Variants in MAP2K1 observed in about 807,000 individuals in gnomAD.
The protein encoded by MAP2K1 is dual specificity mitogen-activated protein kinase kinase 1.
A neutral mutation model predicts 46.3 loss-of-function variants in MAP2K1; 16 were observed. The ratio of observed to expected loss-of-function variants is 0.35; its 90% CI spans 0.23 to 0.52. The LOEUF (loss-of-function observed/expected upper bound fraction) is 0.52. Ranked by LOEUF, MAP2K1 falls within the 20% of genes least tolerant of loss-of-function variation. MAP2K1 has a pLI of 0.94. For synonymous variants in MAP2K1, 183 were observed against 185.6 expected (o/e 0.99, Z 0.11); for missense variants, 263 against 497.1 (o/e 0.53, Z 4.48).
chr15:66,429,701 T>G (rs2093470202), intron 1 of MAP2K1, among the ~76,000 whole-genome samples: 1 of 103,410 alleles, frequency 9.7e-6, no homozygotes, highest in Non-Finnish European at 1.8e-5. Context: ...ACAGATGGGC[T>G]AGCCTGGGGT....
At chr15:66,489,682 A>C (rs1385020917) in intron 9 of MAP2K1, 36 bp from the exon 10 acceptor site, 4 of 1,558,210 alleles carry the variant, frequency 2.6e-6, no homozygotes, top group Non-Finnish European at 3.5e-6. Flanking sequence ...AACCAGTGCC[A>C]GGCAACAGCT....
chr15:66,429,686 C>A (rs950503714), intron 1 of MAP2K1, among the ~76,000 whole-genome samples: 1 of 133,856 alleles, frequency 7.5e-6, no homozygotes, highest in Non-Finnish European at 1.6e-5. Context: ...CCCGTCCCCC[C>A]CAACACAGAT....
At chr15:66,403,507 C>T (rs542326874) in intron 1 of MAP2K1, among the ~76,000 whole-genome samples, 7 of 152,040 alleles carry the variant, frequency 4.6e-5, no homozygotes, top group Non-Finnish European at 1.0e-4. Flanking sequence ...CGAAAGTCCC[C>T]TTGAAATGGA....
intron 1 of MAP2K1, among the ~76,000 whole-genome samples, chr15:66,400,607 T>C (rs1304411408): frequency 6.6e-6 from 1 of 152,226 alleles, no homozygotes; most frequent in Non-Finnish European, 1.5e-5. Context: ...TTTTACTTCA[T>C]GTCCTGTGCC....
At chr15:66,455,072 C>T (rs1484063128) in intron 5 of MAP2K1, among the ~76,000 whole-genome samples, 2 of 152,126 alleles carry the variant, frequency 1.3e-5, no homozygotes, top group Non-Finnish European at 2.9e-5. Context: ...ACTGTCCTCT[C>T]CTAGCCTTAT....
chr15:66,422,104 G>T (rs915999479), intron 1 of MAP2K1, among the ~76,000 whole-genome samples: 2 of 152,098 alleles, frequency 1.3e-5, no homozygotes, highest in East Asian at 3.9e-4. Flanking sequence ...ACTACATTGT[G>T]CATTTTCCCC....
chr15:66,471,583 G>C (rs372156970), intron 5 of MAP2K1, among the ~76,000 whole-genome samples: 7 of 152,256 alleles, frequency 4.6e-5, no homozygotes, highest in Admixed American at 2.0e-4. Context: ...TATGATGCCA[G>C]CTGATGATAA....
intron 5 of MAP2K1, among the ~76,000 whole-genome samples, chr15:66,480,138 G>C (rs913039950): frequency 1.3e-5 from 2 of 151,760 alleles, no homozygotes; most frequent in African/African-American, 4.8e-5. Context: ...ACCCAGGCTG[G>C]AGTGCAATGG....
intron 5 of MAP2K1, among the ~76,000 whole-genome samples, chr15:66,458,530 G>A (rs958513093): frequency 1.3e-5 from 2 of 152,034 alleles, no homozygotes; most frequent in Non-Finnish European, 2.9e-5. Context: ...ATAAATGAAC[G>A]AATGACAGGT....
intron 5 of MAP2K1, chr15:66,453,414 G>A (rs1398622232): frequency 1.4e-6 from 1 of 696,966 alleles, no homozygotes; most frequent in Non-Finnish European, 2.6e-6. Context: ...TGTGTGGGCT[G>A]GCCTGGCTGC....
chr15:66,472,303 C>CAAA (rs60289963), intron 5 of MAP2K1, among the ~76,000 whole-genome samples: 1 of 136,744 alleles, frequency 7.3e-6, no homozygotes, highest in African/African-American at 2.7e-5. Flanking sequence ...GACTTCGTCT[C>CAAA]AAAAAAAAAA....
chr15:66,426,399 C>T (rs983521522), intron 1 of MAP2K1, among the ~76,000 whole-genome samples: 2 of 149,836 alleles, frequency 1.3e-5, no homozygotes, highest in Non-Finnish European at 3.0e-5. Flanking sequence ...TGGCATAAGT[C>T]GCAACAAGAA....
At chr15:66,477,478 C>A (rs1892780392) in intron 5 of MAP2K1, among the ~76,000 whole-genome samples, 1 of 152,178 alleles carries the variant, frequency 6.6e-6, no homozygotes, top group Admixed American at 6.5e-5. Context: ...TGCTTATATG[C>A]CATGCCTTAT....
chr15:66,434,817 C>G (rs544307988), intron 1 of MAP2K1, among the ~76,000 whole-genome samples: 2 of 152,112 alleles, frequency 1.3e-5, no homozygotes, highest in Non-Finnish European at 2.9e-5. Flanking sequence ...GAAATTGAAG[C>G]CCTGAGAGGT....
chr15:66,400,376 C>G (rs1009327906), intron 1 of MAP2K1, among the ~76,000 whole-genome samples: 16 of 152,142 alleles, frequency 1.1e-4, no homozygotes, highest in Non-Finnish European at 1.9e-4. Context: ...TAGCATTTCT[C>G]TGTGTGGATA....
chr15:66,460,831 A>G (rs990451791), intron 5 of MAP2K1, among the ~76,000 whole-genome samples: 4 of 152,004 alleles, frequency 2.6e-5, no homozygotes, highest in African/African-American at 9.7e-5. Flanking sequence ...TGGGAGAGAG[A>G]TGGTGCAAAG....
Position 66,401,919 on chromosome 15 carries a change from TTCGGG to T in MAP2K1, c.80+14496_80+14500del, listed in dbSNP as rs770726597. 16 of 1,241,484 alleles carry T rather than the reference TTCGGG, an allele frequency of 1.3e-5. No individual in the cohort carries two copies. The South Asian group carries it at 1.9e-4, about 15-fold the overall frequency. The allele number at this position is 1,241,484 out of a possible 1,614,324, so 76.9% of individuals were successfully genotyped here. A position where few individuals can be genotyped will look rare whatever the true frequency, so the allele number is the denominator to read the frequency against. On this transcript the variant is annotated intron_variant, in intron 1 of 10. Coordinates refer to ENST00000307102, the MANE Select transcript of MAP2K1 (RefSeq NM_002755.4). ...TAGTTGAGTGTGACGGGTGCATCGG[TTCGGG>T]TCGAAGGAAATGAAGCTGGAGAGGT... is the stretch of plus-strand genomic sequence containing the variant.
At chr15:66,412,955 G>C (rs1187421577) in intron 1 of MAP2K1, among the ~76,000 whole-genome samples, 2 of 151,974 alleles carry the variant, frequency 1.3e-5, no homozygotes, top group African/African-American at 2.4e-5. Context: ...GAGTACAGTG[G>C]CGTGATCTCG....
intron 5 of MAP2K1, among the ~76,000 whole-genome samples, chr15:66,471,244 C>G (rs1892626248): frequency 1.3e-5 from 2 of 152,080 alleles, no homozygotes; most frequent in South Asian, 2.1e-4. Flanking sequence ...GAATCTGATT[C>G]CTTATATTGG....
Sources: gnomAD v4.1 joint callset for allele counts (sites outside exome capture counted in the v4.1 genomes callset) on GRCh38, gnomAD v4.1.1 for gene constraint, MANE v1.5 for transcripts, NCBI Gene and HGNC (gene_info 2026-07-23, HGNC 2026-07-21) for gene names.